Variants in FSHR observed in about 807,000 individuals in gnomAD.
FSHR encodes the protein follicle stimulating hormone receptor.
In FSHR, 46 loss-of-function variants were observed where a neutral mutation model predicts 52.1. The ratio of observed to expected loss-of-function variants is 0.88; its 90% CI spans 0.70 to 1.13. The LOEUF (loss-of-function observed/expected upper bound fraction) is 1.13. Ranked by LOEUF, FSHR falls within the 50% of genes most tolerant of loss-of-function variation. The probability of loss-of-function intolerance (pLI) is 0.00; values close to 1 mark genes in which losing one functional copy is unlikely to be tolerated. For missense variants in FSHR, 964 were observed against 834.6 expected (o/e 1.16, Z -1.91); for synonymous variants, 399 against 309.6 (o/e 1.29, Z -3.03).
chr2:49,078,909 G>A (rs888447891), intron 1 of FSHR, among the ~76,000 whole-genome samples: 32 of 152,016 alleles, frequency 2.1e-4, no homozygotes, highest in Admixed American at 1.0e-3. Context: ...TAATTACTAC[G>A]CAATAAGAAT....
intron 6 of FSHR, among the ~76,000 whole-genome samples, chr2:48,987,654 C>G (rs561601485): frequency 6.6e-6 from 1 of 152,178 alleles, no homozygotes; most frequent in South Asian, 2.1e-4. Context: ...TCTTAGCTTC[C>G]TTTCCCTTGT....
chr2:49,068,327 C>A (rs1243919852), intron 1 of FSHR, 37 bp from the exon 2 acceptor site: 5 of 1,536,676 alleles, frequency 3.3e-6, no homozygotes, highest in Middle Eastern at 1.7e-4. Flanking sequence ...CACAACCTAT[C>A]CATTAATAAG....
intron 1 of FSHR, among the ~76,000 whole-genome samples, chr2:49,080,122 A>C (rs1486971466): frequency 6.6e-6 from 1 of 152,210 alleles, no homozygotes; most frequent in Non-Finnish European, 1.5e-5. Context: ...CTTCAGTAGT[A>C]ATCAAGAAGT....
At chr2:48,972,769 A>T (rs879673015) in intron 8 of FSHR, among the ~76,000 whole-genome samples, 1 of 152,224 alleles carries the variant, frequency 6.6e-6, no homozygotes, top group Non-Finnish European at 1.5e-5. Context: ...GACCAAGACC[A>T]TCATTGCCTC....
intron 1 of FSHR, among the ~76,000 whole-genome samples, chr2:49,143,463 T>C (rs1672761110): frequency 1.3e-5 from 2 of 152,042 alleles, no homozygotes; most frequent in South Asian, 4.2e-4. Flanking sequence ...TTGGTACCTG[T>C]GACAAGAAGA....
intron 9 of FSHR, among the ~76,000 whole-genome samples, chr2:48,965,565 C>A (rs8179692): frequency 6.6e-6 from 1 of 151,896 alleles, no homozygotes. Context: ...AACCCTGTTA[C>A]TGAATTAGTT....
At chr2:49,151,636 G>A (rs947875570) in intron 1 of FSHR, among the ~76,000 whole-genome samples, 5 of 152,100 alleles carry the variant, frequency 3.3e-5, no homozygotes, top group Non-Finnish European at 7.4e-5. Flanking sequence ...TAACAATGAA[G>A]CTTTGACATG....
intron 4 of FSHR, among the ~76,000 whole-genome samples, chr2:48,993,298 C>T (rs1218002649): frequency 2.0e-5 from 3 of 152,084 alleles, no homozygotes; most frequent in South Asian, 2.1e-4. Flanking sequence ...TAAACTTGTT[C>T]CCCCCATTAT....
chr2:48,985,019 A>G (rs1675423721), intron 6 of FSHR, among the ~76,000 whole-genome samples: 1 of 152,172 alleles, frequency 6.6e-6, no homozygotes, highest in Non-Finnish European at 1.5e-5. Flanking sequence ...TATCTGTGGG[A>G]ATCTCAAGCT....
chr2:49,057,545 C>A (rs1383532112), intron 2 of FSHR, among the ~76,000 whole-genome samples: 1 of 151,854 alleles, frequency 6.6e-6, no homozygotes. Flanking sequence ...TGAAAATCTC[C>A]CAACAAAGAA....
At chr2:49,096,649 T>C (rs1325089939) in intron 1 of FSHR, among the ~76,000 whole-genome samples, 1 of 152,242 alleles carries the variant, frequency 6.6e-6, no homozygotes, top group East Asian at 1.9e-4. Context: ...CTGCTAATAC[T>C]AAAATGTTCA....
intron 4 of FSHR, among the ~76,000 whole-genome samples, chr2:49,004,525 C>A (rs1173136897): frequency 1.3e-5 from 2 of 152,162 alleles, no homozygotes; most frequent in African/African-American, 2.4e-5. Context: ...GCCCCAGATT[C>A]ATGAAGATCA....
intron 3 of FSHR, among the ~76,000 whole-genome samples, chr2:49,018,984 T>A (rs994514135): frequency 6.6e-6 from 1 of 152,228 alleles, no homozygotes; most frequent in Non-Finnish European, 1.5e-5. Context: ...TGTGTGGATT[T>A]GGACAGATGA....
At chr2:49,055,272 A>G (rs1420222216) in intron 2 of FSHR, among the ~76,000 whole-genome samples, 1 of 151,550 alleles carries the variant, frequency 6.6e-6, no homozygotes, top group Non-Finnish European at 1.5e-5. Flanking sequence ...TCAACAACAG[A>G]TTGACCAAGC....
At chr2:49,055,636 G>A (rs1349355131) in intron 2 of FSHR, among the ~76,000 whole-genome samples, 59 of 148,044 alleles carry the variant, frequency 4.0e-4, no homozygotes, top group Non-Finnish European at 6.0e-5. Flanking sequence ...CAAAGAAAAA[G>A]GCAAACTTCT....
At chr2:48,989,498 G>T (rs6707239) in intron 5 of FSHR, among the ~76,000 whole-genome samples, 25,732 of 151,998 alleles carry the variant, frequency 0.17, 2,773 homozygotes, top group African/African-American at 0.31. Context: ...GCCCAGGCTG[G>T]TGTCAAACCC....
At chr2:49,112,933 T>G (rs1026524795) in intron 1 of FSHR, among the ~76,000 whole-genome samples, 7 of 151,860 alleles carry the variant, frequency 4.6e-5, no homozygotes, top group Admixed American at 3.9e-4. Context: ...AATGCCCAGG[T>G]GGGAGGAAGC....
intron 8 of FSHR, among the ~76,000 whole-genome samples, chr2:48,969,220 T>G (rs1674622042): frequency 6.6e-6 from 1 of 152,194 alleles, no homozygotes; most frequent in Non-Finnish European, 1.5e-5. Flanking sequence ...TACCTGCTAA[T>G]TTGCATGGGA....
chr2:49,153,969 G>C (rs1317855675), intron 1 of FSHR, among the ~76,000 whole-genome samples: 1 of 152,282 alleles, frequency 6.6e-6, no homozygotes, highest in Non-Finnish European at 1.5e-5. Flanking sequence ...CCACTAAAGA[G>C]AGTATGAAAC....
Sources: allele counts gnomAD v4.1 joint callset (sites outside exome capture counted in the v4.1 genomes callset), GRCh38; gene constraint gnomAD v4.1.1; transcripts MANE v1.5; gene names NCBI Gene and HGNC (gene_info 2026-07-23, HGNC 2026-07-21).